The following UPP2 variants were observed in gnomAD, a reference collection of about 807,000 sequenced individuals.
UPP2 encodes uridine phosphorylase 2, also known as UPase 2.
UPP2 carries 23 observed loss-of-function variants against 26.7 expected under a neutral mutation model. The observed-to-expected ratio is 0.86, with a 90% CI of 0.62 to 1.22. The LOEUF (loss-of-function observed/expected upper bound fraction) is 1.22. UPP2 is among the 50% of genes most tolerant of loss of function. The probability of loss-of-function intolerance (pLI) is 0.00; values close to 1 mark genes in which losing one functional copy is unlikely to be tolerated. For synonymous variants in UPP2, 127 were observed against 141.3 expected (o/e 0.90, Z 0.72); for missense variants, 387 against 396.7 (o/e 0.98, Z 0.21).
chr2:158,013,817 A>G (rs765834445), intron 2 of UPP2, among the ~76,000 whole-genome samples: 15 of 152,222 alleles, frequency 9.9e-5, no homozygotes, highest in Non-Finnish European at 1.9e-4. Flanking sequence ...AAGGAAAGAA[A>G]GCTTTGTGCG....
At chr2:158,097,383 A>C (rs73968546), upstream of UPP2, among the ~76,000 whole-genome samples, 10,004 of 151,236 alleles carry the variant, frequency 0.066, 456 homozygotes, top group African/African-American at 0.12. Context: ...CTCTCTCTAT[A>C]TATATATATA....
intron 5 of UPP2, 112 bp from the exon 6 acceptor site, chr2:158,123,637 C>T (rs535558529): frequency 2.3e-5 from 29 of 1,286,196 alleles, no homozygotes; most frequent in South Asian, 7.3e-5. Context: ...ACGGGGAGCA[C>T]GCTGTAGAGT....
At chr2:158,073,985 G>C (rs767485523) in intron 3 of UPP2, among the ~76,000 whole-genome samples, 28 of 152,120 alleles carry the variant, frequency 1.8e-4, no homozygotes, top group Non-Finnish European at 3.5e-4. Flanking sequence ...GACCAGCTTG[G>C]GCAATGCAGT....
chr2:158,098,443 C>T (rs1314471428), upstream of UPP2, among the ~76,000 whole-genome samples: 1 of 152,112 alleles, frequency 6.6e-6, no homozygotes, highest in Non-Finnish European at 1.5e-5. Context: ...CAGCATAATG[C>T]TCCCTTAGGG....
chr2:158,096,919 C>T (rs964106240), upstream of UPP2, among the ~76,000 whole-genome samples: 7 of 151,986 alleles, frequency 4.6e-5, no homozygotes, highest in Non-Finnish European at 1.5e-5. Flanking sequence ...GTTTACTTAT[C>T]TGGGGAGAAA....
chr2:158,013,068 A>G (rs1029841989), intron 2 of UPP2, among the ~76,000 whole-genome samples: 6 of 152,028 alleles, frequency 3.9e-5, no homozygotes, highest in Non-Finnish European at 2.9e-5. Context: ...CAGTGGTGCA[A>G]TCGTAGCTCC....
chr2:158,037,596 C>T (rs538937984), intron 3 of UPP2, among the ~76,000 whole-genome samples: 2 of 152,150 alleles, frequency 1.3e-5, no homozygotes, highest in East Asian at 3.9e-4. Flanking sequence ...CTGGTCATGG[C>T]CAGCAGTCAC....
chr2:158,128,733 G>A (rs6755018), intron 6 of UPP2, among the ~76,000 whole-genome samples: 15,926 of 152,110 alleles, frequency 0.1, 1,180 homozygotes, highest in African/African-American at 0.21. Flanking sequence ...GTCTCTGGAC[G>A]GAAGAGCCAA....
chr2:158,034,947 A>G (rs1683977463), intron 3 of UPP2, among the ~76,000 whole-genome samples: 2 of 152,174 alleles, frequency 1.3e-5, no homozygotes, highest in African/African-American at 4.8e-5. Context: ...GAGCCACTGT[A>G]GCTTGCATTA....
chr2:158,063,197 T>A (rs1448975483), intron 3 of UPP2, among the ~76,000 whole-genome samples: 1 of 152,220 alleles, frequency 6.6e-6, no homozygotes, highest in Admixed American at 6.5e-5. Context: ...TCACCTGTCC[T>A]CTTTCCCTGC....
At chr2:158,118,669 C>T (rs1050587178) in intron 4 of UPP2, among the ~76,000 whole-genome samples, 2 of 151,998 alleles carry the variant, frequency 1.3e-5, no homozygotes, top group African/African-American at 4.8e-5. Context: ...ATACAGACTG[C>T]ACATGGCAAA....
intron 3 of UPP2, among the ~76,000 whole-genome samples, chr2:158,081,408 T>G (rs1003701768): frequency 1.3e-5 from 2 of 152,174 alleles, no homozygotes; most frequent in Non-Finnish European, 2.9e-5. Context: ...AATAGCATGA[T>G]AGTTCCTCAA....
At chr2:158,026,771 C>T (rs925456631) in intron 3 of UPP2, among the ~76,000 whole-genome samples, 4 of 152,046 alleles carry the variant, frequency 2.6e-5, no homozygotes, top group Non-Finnish European at 5.9e-5. Flanking sequence ...TAAAGACATA[C>T]CCAAAACTGG....
At chr2:158,054,500 T>A (rs996150645) in intron 3 of UPP2, among the ~76,000 whole-genome samples, 26 of 152,036 alleles carry the variant, frequency 1.7e-4, no homozygotes, top group Admixed American at 4.6e-4. Context: ...ATATTGAAAG[T>A]CATTTTCCTC....
At chr2:158,078,390 A>G (rs921069360) in intron 3 of UPP2, among the ~76,000 whole-genome samples, 1 of 152,172 alleles carries the variant, frequency 6.6e-6, no homozygotes, top group African/African-American at 2.4e-5. Context: ...CTATGTGTCC[A>G]TCAACAGATG....
At chr2:158,046,216 T>A (rs1283010562) in intron 3 of UPP2, among the ~76,000 whole-genome samples, 1 of 152,224 alleles carries the variant, frequency 6.6e-6, no homozygotes, top group Non-Finnish European at 1.5e-5. Flanking sequence ...AAAGAAGCTA[T>A]ATTTTGTCTG....
At chr2:158,090,289 T>C (rs1400408144) in intron 3 of UPP2, among the ~76,000 whole-genome samples, 2 of 151,914 alleles carry the variant, frequency 1.3e-5, no homozygotes, top group Non-Finnish European at 2.9e-5. Context: ...GATCACGAGG[T>C]CGGGGATCTA....
In UPP2 at chr2:158,134,913, C is replaced by A; in HGVS notation, c.*23C>A. On this transcript the variant is annotated 3_prime_UTR_variant, in exon 7 of 7. Transcript: ENST00000005756. ...TAGACGTCCTAACTGGGCAGCCCAACCCTCCCCTGCAAGTTTGTAGCTCAA... is the reference window on the plus strand; with the variant it reads ...TAGACGTCCTAACTGGGCAGCCCAAACCTCCCCTGCAAGTTTGTAGCTCAA... 1 of 1,591,906 alleles carries A rather than the reference C, an allele frequency of 6.3e-7. No homozygotes were observed. Among genetic ancestry groups the A allele is most frequent in the South Asian group, 1.1e-5 (1 of 87,500 alleles).
chr2:158,134,992 C>T lies in UPP2; in HGVS notation c.*102C>T, dbSNP rs1683901602. ...GTGGCATTTTTATATAGTTCTCATC[C>T]ACATGCTAAATGGAAAGACTTTATG... is the stretch of plus-strand genomic sequence containing the variant. On this transcript the variant is annotated 3_prime_UTR_variant, in exon 7 of 7. Transcript: ENST00000005756. 7.5e-7 allele frequency: 1 copy of T among 1,329,220 alleles called. No homozygotes were observed. The highest frequency in any genetic ancestry group is 1.5e-5 in the African/African-American group (1 of 66,850). 82.3% of individuals were successfully genotyped at this position (1,329,220 alleles called of 1,614,324 possible).
Sources: allele counts gnomAD v4.1 joint callset (sites outside exome capture counted in the v4.1 genomes callset), GRCh38; gene constraint gnomAD v4.1.1; transcripts MANE v1.5; gene names NCBI Gene and HGNC (gene_info 2026-07-23, HGNC 2026-07-21).